Variants in FER observed in about 807,000 individuals in gnomAD.
FER encodes FER tyrosine kinase, also known as tyrosine-protein kinase Fer.
Under a neutral mutation model 111.0 loss-of-function variants are expected in FER, and 63 were observed. The ratio of observed to expected loss-of-function variants is 0.57; its 90% CI spans 0.46 to 0.70. The LOEUF is 0.70. FER is among the 30% of genes least tolerant of loss of function. The probability of loss-of-function intolerance (pLI) is 0.00; values close to 1 mark genes in which losing one functional copy is unlikely to be tolerated. For synonymous variants in FER, 327 were observed against 313.9 expected, an observed-to-expected ratio of 1.04 and a Z score of -0.44; for missense variants, 914 against 954.0, an observed-to-expected ratio of 0.96 and a Z score of 0.55.
chr5:109,137,815 G>T (rs1753061629), intron 17 of FER, among the ~76,000 whole-genome samples: 1 of 152,172 alleles, frequency 6.6e-6, no homozygotes, highest in Non-Finnish European at 1.5e-5. Flanking sequence ...CCAATTTTCA[G>T]TCCCACTCCA....
At chr5:109,132,797 G>A (rs1157660873) in intron 17 of FER, among the ~76,000 whole-genome samples, 1 of 152,158 alleles carries the variant, frequency 6.6e-6, no homozygotes, top group Non-Finnish European at 1.5e-5. Context: ...GGTGAAAAGG[G>A]ACTGTCACAT....
At chr5:108,986,340 T>C (rs1203637657) in intron 13 of FER, among the ~76,000 whole-genome samples, 2 of 151,898 alleles carry the variant, frequency 1.3e-5, no homozygotes, top group Non-Finnish European at 2.9e-5. Context: ...AGATTCTGGA[T>C]ATTAGTCCTT....
chr5:109,020,315 A>T (rs1191715238), intron 13 of FER, among the ~76,000 whole-genome samples: 1 of 151,912 alleles, frequency 6.6e-6, no homozygotes, highest in East Asian at 1.9e-4. Flanking sequence ...ATATTACTTT[A>T]TAGTCATATA....
rs1759127021 is a variant in FER, at chr5:109,188,518, G to C, written c.*943G>C. 1 of 152,016 alleles carries C rather than the reference G, an allele frequency of 6.6e-6. No homozygotes were observed. 9.4% of individuals were successfully genotyped at this position (152,016 alleles called of 1,614,324 possible). ...GATTTGAACAGGAGGGTGGGCTGGAGAACAGAGCAGCTAAAGAATGATTAA... is the reference window on the plus strand; with the variant it reads ...GATTTGAACAGGAGGGTGGGCTGGACAACAGAGCAGCTAAAGAATGATTAA... On this transcript the variant is annotated 3_prime_UTR_variant, in exon 20 of 20. Coordinates refer to ENST00000281092, the MANE Select transcript of FER (RefSeq NM_005246.4).
At chr5:108,920,273 C>T (rs1045083878) in intron 10 of FER, among the ~76,000 whole-genome samples, 2 of 151,978 alleles carry the variant, frequency 1.3e-5, no homozygotes, top group Non-Finnish European at 2.9e-5. Context: ...AAAGTTATCA[C>T]CCTGCAACTT....
chr5:109,125,189 ATC>A (rs901888435), intron 17 of FER, among the ~76,000 whole-genome samples: 5 of 151,980 alleles, frequency 3.3e-5, no homozygotes, highest in Non-Finnish European at 5.9e-5. Context: ...TAGAATTATT[ATC>A]TGTTTTTTTT....
intron 5 of FER, among the ~76,000 whole-genome samples, chr5:108,858,089 A>G (rs1386285523): frequency 6.6e-6 from 1 of 152,212 alleles, no homozygotes; most frequent in African/African-American, 2.4e-5. Flanking sequence ...CAACACGTAC[A>G]CATTCATGTA....
chr5:108,942,141 AG>A (rs1450755257), intron 10 of FER, among the ~76,000 whole-genome samples: 3 of 152,168 alleles, frequency 2.0e-5, no homozygotes, highest in African/African-American at 7.2e-5. Flanking sequence ...ATTTGGGAAA[AG>A]CACCATGGAA....
intron 13 of FER, among the ~76,000 whole-genome samples, chr5:108,975,591 C>T (rs1211250899): frequency 1.3e-5 from 2 of 152,042 alleles, no homozygotes; most frequent in Non-Finnish European, 2.9e-5. Context: ...TGGTCTTATA[C>T]TAGGAAAAGT....
At chr5:109,056,704 AG>A (rs1424576540) in intron 16 of FER, among the ~76,000 whole-genome samples, 1 of 152,152 alleles carries the variant, frequency 6.6e-6, no homozygotes, top group East Asian at 1.9e-4. Flanking sequence ...ATGCTAAATG[AG>A]TAGAGTTTAG....
chr5:109,118,378 C>G (rs1230974965), intron 17 of FER, among the ~76,000 whole-genome samples: 2 of 152,116 alleles, frequency 1.3e-5, no homozygotes, highest in Non-Finnish European at 1.5e-5. Flanking sequence ...GGTGGATAAG[C>G]TTTTTGATGT....
intron 3 of FER, chr5:108,819,675 T>TA (rs1758642530): frequency 2.2e-6 from 1 of 464,388 alleles, no homozygotes. Flanking sequence ...AAGTTAGCTT[T>TA]AATAGGAGTC....
intron 2 of FER, among the ~76,000 whole-genome samples, chr5:108,783,279 T>C (rs1429314268): frequency 1.3e-5 from 2 of 152,246 alleles, no homozygotes; most frequent in African/African-American, 4.8e-5. Flanking sequence ...TTATTGCATT[T>C]CTTAGTTACA....
rs1759261210 is a variant in FER at position 109,189,961 on chromosome 5, C to T, written c.*2386C>T. On this transcript the variant is annotated 3_prime_UTR_variant, in exon 20 of 20. Transcript: ENST00000281092. ...TGTAGCATTTAAATTCCATTTTATT[C>T]TTTGTCCTAAAGCAGGCAGTGGTAT... The T allele has an allele frequency of 6.6e-6, 1 of 152,168 alleles. No homozygotes were observed. Among genetic ancestry groups the T allele is most frequent in the African/African-American group, 2.4e-5 (1 of 41,448 alleles). 9.4% of individuals were successfully genotyped at this position (152,168 alleles called of 1,614,324 possible).
chr5:108,975,628 A>G (rs535398245), intron 13 of FER, among the ~76,000 whole-genome samples: 1 of 151,978 alleles, frequency 6.6e-6, no homozygotes, highest in Non-Finnish European at 1.5e-5. Context: ...TTTTCTACGG[A>G]TAATTATGGC....
At chr5:109,148,750 CAA>C (rs1464426839) in intron 17 of FER, among the ~76,000 whole-genome samples, 4 of 152,042 alleles carry the variant, frequency 2.6e-5, no homozygotes, top group Non-Finnish European at 4.4e-5. Context: ...CCAAGACAGT[CAA>C]AATGGGGCTT....
At chr5:108,896,610 GCTTT>G (rs1446130698) in intron 9 of FER, among the ~76,000 whole-genome samples, 1 of 152,078 alleles carries the variant, frequency 6.6e-6, no homozygotes, top group Non-Finnish European at 1.5e-5. Context: ...GGAGATTACA[GCTTT>G]CTTTATAGCA....
At chr5:108,932,211 T>C (rs1754784468) in intron 10 of FER, among the ~76,000 whole-genome samples, 1 of 152,022 alleles carries the variant, frequency 6.6e-6, no homozygotes, top group African/African-American at 2.4e-5. Context: ...GTAATATTCC[T>C]CTCCCTGTGT....
intron 1 of FER, among the ~76,000 whole-genome samples, chr5:108,756,081 G>C (rs2149915318): frequency 6.6e-6 from 1 of 150,574 alleles, no homozygotes; most frequent in Non-Finnish European, 1.5e-5. Context: ...TTGAACACGG[G>C]AGGTGGAGGT....
Sources: allele counts gnomAD v4.1 joint callset (sites outside exome capture counted in the v4.1 genomes callset), GRCh38; gene constraint gnomAD v4.1.1; transcripts MANE v1.5; gene names NCBI Gene and HGNC (gene_info 2026-07-23, HGNC 2026-07-21).